Variants in DDX60 observed in about 807,000 individuals in gnomAD.
DDX60 encodes probable ATP-dependent RNA helicase DDX60.
A neutral mutation model predicts 212.8 loss-of-function variants in DDX60; 165 were observed. The observed-to-expected ratio is 0.78, with a 90% CI of 0.68 to 0.88. The LOEUF (loss-of-function observed/expected upper bound fraction) is 0.88, where lower values mean the gene tolerates loss of function less well. Ranked by LOEUF, DDX60 falls within the 40% of genes least tolerant of loss-of-function variation. The pLI, the probability that DDX60 is intolerant of heterozygous loss-of-function variation, is 0.00. For synonymous variants in DDX60, 703 were observed against 685.3 expected, an observed-to-expected ratio of 1.03 and a Z score of -0.40; for missense variants, 1,905 against 2,003.9, an observed-to-expected ratio of 0.95 and a Z score of 0.94.
At position 168,246,525 on chromosome 4, in the gene DDX60, A is replaced by G. The variant is rs1274312824; in HGVS notation, c.4057T>C (p.Ser1353Pro). The change falls in exon 30 of 38, where the codon TCC (serine) becomes CCC (proline). Residue 1353 changes from serine (S) to proline (P), a missense_variant. Physicochemically the swap from Ser to Pro is moderately conservative, Grantham distance 74. Coordinates refer to ENST00000393743, the MANE Select transcript of DDX60 (RefSeq NM_017631.6). ...TGTCCTCTCAGCTCAGGAACATTGG[A>G]TTTTATGAGTTTTCCTATTTTGGGG... ...PFPKIGKLIK[S>P]NVPELRGHFP... 6.2e-7 allele frequency: 1 copy of G among 1,614,080 alleles called. No individual in the cohort carries two copies. The highest frequency in any genetic ancestry group is 1.7e-5 in the Admixed American group (1 of 60,006).
intron 6 of DDX60, among the ~76,000 whole-genome samples, chr4:168,298,403 T>C (rs1350051242): frequency 2.6e-5 from 4 of 152,148 alleles, no homozygotes; most frequent in African/African-American, 9.7e-5. Flanking sequence ...GACATAATTC[T>C]ATCAGGTAAA....
chr4:168,234,114 ATG>A (rs1451352266), intron 33 of DDX60, among the ~76,000 whole-genome samples: 1 of 152,082 alleles, frequency 6.6e-6, no homozygotes, highest in Non-Finnish European at 1.5e-5. Flanking sequence ...TTAGAAGGAA[ATG>A]TGTCACTTTA....
chr4:168,281,043 G>A (rs989279708), intron 13 of DDX60, among the ~76,000 whole-genome samples: 2 of 152,180 alleles, frequency 1.3e-5, no homozygotes, highest in Admixed American at 1.3e-4. Context: ...GGGAGGCTGA[G>A]GCATGAGAAT....
At chr4:168,272,188 G>C in intron 18 of DDX60, 50 bp from the exon 19 acceptor site, 1 of 1,412,692 alleles carries the variant, frequency 7.1e-7, no homozygotes, top group Non-Finnish European at 9.8e-7. Context: ...CTTACTATGT[G>C]TTGACATATT....
At chr4:168,275,150 T>C (rs1295138763) in intron 16 of DDX60, among the ~76,000 whole-genome samples, 195 bp downstream of exon 16, 1 of 152,100 alleles carries the variant, frequency 6.6e-6, no homozygotes, top group African/African-American at 2.4e-5. Context: ...TCCAAGGAAA[T>C]GGTCTATATA....
chr4:168,226,677 T>C (rs896786251), intron 33 of DDX60, among the ~76,000 whole-genome samples: 1 of 152,034 alleles, frequency 6.6e-6, no homozygotes, highest in African/African-American at 2.4e-5. Flanking sequence ...ACAATACAAT[T>C]CTATTCTTTT....
chr4:168,265,228 A>G lies in DDX60; in HGVS notation c.3039+2354T>C, dbSNP rs143154640. Among the ~76,000 whole-genome samples, 3 of 152,276 alleles carry G rather than the reference A, an allele frequency of 2.0e-5. No homozygotes were observed. The East Asian group carries it at 5.8e-4, about 29-fold the overall frequency. ...CCCCCACTCCTGAAATCATTTTTAT[A>G]CTACAACTATAGAGGAAAGGACCCA... On this transcript the variant is annotated intron_variant, in intron 22 of 37. Transcript: ENST00000393743.
In DDX60 at chr4:168,273,204, T is replaced by G. The variant is rs1159180845; in HGVS notation, c.2574+75A>C. On this transcript the variant is annotated intron_variant, in intron 18 of 37. Transcript: ENST00000393743. ...ATTTTCACAAGCCTTGTGAAGATGT[T>G]GAATTTCTAGTCAAAGAGACATACA... 4 of 1,405,236 alleles carry G rather than the reference T, an allele frequency of 2.8e-6. No individual in the cohort carries two copies. In the African/African-American group the frequency reaches 5.8e-5, roughly 20 times the overall value. 87.0% of individuals were successfully genotyped at this position (1,405,236 alleles called of 1,614,324 possible).
intron 5 of DDX60, among the ~76,000 whole-genome samples, chr4:168,302,836 T>C (rs1289391757): frequency 6.6e-6 from 1 of 152,194 alleles, no homozygotes. Flanking sequence ...GAATGAAAGA[T>C]AGCATAACCC....
chr4:168,270,232 C>T (rs1165734500), intron 19 of DDX60, among the ~76,000 whole-genome samples: 1 of 152,118 alleles, frequency 6.6e-6, no homozygotes, highest in Non-Finnish European at 1.5e-5. Flanking sequence ...AACGGATGAG[C>T]AAATCAAACT....
chr4:168,252,612 A>G lies in DDX60; in HGVS notation c.3602T>C (p.Leu1201Pro), dbSNP rs1226233172. Residue 1201 changes from leucine to proline, a missense_variant, in exon 27 of 38, where the codon CTA (leucine) becomes CCA (proline). Leu to Pro is a moderately conservative substitution (Grantham distance 98, BLOSUM62 -3). Transcript: ENST00000393743. ...QKKTRNVDQS[L>P]IHEAEHDNLV... ...ATTATCATGTTCAGCTTCATGTATT[A>G]GGCTTTGATCCACATTTCTGGTTTT... 4 of 1,613,144 alleles carry G rather than the reference A, an allele frequency of 2.5e-6. No individual in the cohort carries two copies. The East Asian group carries it at 8.9e-5, about 36-fold the overall frequency.
intron 29 of DDX60, among the ~76,000 whole-genome samples, chr4:168,247,584 G>A (rs912161517): frequency 6.6e-5 from 10 of 152,194 alleles, no homozygotes; most frequent in South Asian, 2.1e-4. Context: ...CAGGGAGGTC[G>A]TATGAAGATA....
rs751144093 is a variant in DDX60, at chr4:168,272,128, G to A, written c.2585C>T (p.Thr862Ile). The A allele has an allele frequency of 1.9e-6, 3 of 1,576,030 alleles. No homozygotes were observed. ...CAGAATTTCAAAGCAGGCAGGCACTGTAATAAGTACCTACAAAGAATAATA... is the reference window on the plus strand; with the variant it reads ...CAGAATTTCAAAGCAGGCAGGCACTATAATAAGTACCTACAAAGAATAATA... The part of the protein sequence containing the change: ...HDALNCQVLI[T>I]VPACFEILLL... Residue 862 changes from threonine (T) to isoleucine (I), a missense_variant, in exon 19 of 38, where the codon ACA becomes ATA. By Grantham distance (89) the Thr-to-Ile change is moderately conservative. Transcript: ENST00000393743.
chr4:168,313,324 T>C (rs1429757440), intron 1 of DDX60, among the ~76,000 whole-genome samples: 2 of 152,182 alleles, frequency 1.3e-5, no homozygotes, highest in African/African-American at 2.4e-5. Flanking sequence ...CATAAAGTTG[T>C]GAAACTACAT....
Position 168,220,648 on chromosome 4 carries a change from A to T in DDX60, c.5039+7T>A. ...ATCTAAAATCAATATTTAAATATAT[A>T]ACACACCTGATAGATTTAATGGTGA... On this transcript the variant is annotated splice_region_variant and intron_variant, in intron 37 of 37. Transcript: ENST00000393743. 7.3e-7 allele frequency: 1 copy of T among 1,370,756 alleles called. No homozygotes were observed. Among genetic ancestry groups the T allele is most frequent in the Non-Finnish European group, 9.9e-7 (1 of 1,010,166 alleles). 84.9% of individuals were successfully genotyped at this position (1,370,756 alleles called of 1,614,324 possible).
At chr4:168,265,912 G>A (rs1010471598) in intron 22 of DDX60, among the ~76,000 whole-genome samples, 3 of 151,374 alleles carry the variant, frequency 2.0e-5, no homozygotes, top group African/African-American at 7.3e-5. Context: ...AGAAAAATGA[G>A]AGAATAAAGT....
Position 168,276,152 on chromosome 4 carries a change from C to T in DDX60, c.2008G>A (p.Val670Ile). The T allele has an allele frequency of 1.2e-6, 2 of 1,611,672 alleles. No individual in the cohort carries two copies. The highest frequency in any genetic ancestry group is 1.7e-6 in the Non-Finnish European group (2 of 1,178,652). The change falls in exon 15 of 38, where the codon GTT becomes ATT. Residue 670 changes from valine to isoleucine, a missense_variant. Coordinates refer to ENST00000393743, the MANE Select transcript of DDX60 (RefSeq NM_017631.6). ...GAGTGGATCCTTTTCATCACCTGAACAGCTATACTTAAATCTTTCGTGGTT... is the reference window on the plus strand; with the variant it reads ...GAGTGGATCCTTTTCATCACCTGAATAGCTATACTTAAATCTTTCGTGGTT... ...GKTTKDLSIA[V>I]QVMKRIHSLM...
At chr4:168,231,466 C>A (rs1159183046) in intron 33 of DDX60, among the ~76,000 whole-genome samples, 1 of 150,494 alleles carries the variant, frequency 6.6e-6, no homozygotes, top group Admixed American at 6.6e-5. Context: ...AAACCCTCAA[C>A]AAAATACTAG....
chr4:168,239,309 T>C (rs1733752259), intron 30 of DDX60, among the ~76,000 whole-genome samples: 1 of 151,790 alleles, frequency 6.6e-6, no homozygotes, highest in South Asian at 2.1e-4. Flanking sequence ...GATAGAAAGA[T>C]AAATGATAGA....
Sources: allele counts gnomAD v4.1 joint callset (sites outside exome capture counted in the v4.1 genomes callset), GRCh38; gene constraint gnomAD v4.1.1; transcripts MANE v1.5; gene names NCBI Gene and HGNC (gene_info 2026-07-23, HGNC 2026-07-21).